SEL1L3: variants seen among roughly 807,000 people sequenced by gnomAD.
SEL1L3 encodes protein sel-1 homolog 3.
In SEL1L3, 76 loss-of-function variants were observed where a neutral mutation model predicts 142.8. The observed-to-expected ratio is 0.53, with a 90% CI of 0.44 to 0.64. SEL1L3 has a LOEUF of 0.64. Ranked by LOEUF, SEL1L3 falls within the 30% of genes least tolerant of loss-of-function variation. SEL1L3 has a pLI of 0.00. For missense variants in SEL1L3, 1,262 were observed against 1,381.7 expected, an observed-to-expected ratio of 0.91 and a Z score of 1.37; for synonymous variants, 504 against 519.6, an observed-to-expected ratio of 0.97 and a Z score of 0.41.
intron 23 of SEL1L3, among the ~76,000 whole-genome samples, chr4:25,750,711 T>A (rs1717540002): frequency 6.6e-6 from 1 of 152,214 alleles, no homozygotes. Context: ...GCTTTCTTCA[T>A]AAGCACTACT....
At chr4:25,855,124 C>T (rs1717166778) in intron 1 of SEL1L3, among the ~76,000 whole-genome samples, 1 of 152,224 alleles carries the variant, frequency 6.6e-6, no homozygotes, top group Non-Finnish European at 1.5e-5. Context: ...GCTACCTTTC[C>T]TATGCACAAA....
At chr4:25,809,265 C>G (rs1006870857) in intron 9 of SEL1L3, among the ~76,000 whole-genome samples, 1 of 151,138 alleles carries the variant, frequency 6.6e-6, no homozygotes, top group African/African-American at 2.4e-5. Flanking sequence ...TGCCTCAGTT[C>G]CCGAGTAGCT....
chr4:25,746,391 T>C (rs904823756), downstream of SEL1L3, among the ~76,000 whole-genome samples: 6 of 150,876 alleles, frequency 4.0e-5, no homozygotes, highest in Non-Finnish European at 5.9e-5. Flanking sequence ...TGGTGGCACA[T>C]GCTTGTAGTC....
chr4:25,731,610 G>A, the SEL1L3 span, among the ~76,000 whole-genome samples: 1 of 152,180 alleles, frequency 6.6e-6, no homozygotes, highest in Admixed American at 6.5e-5. Context: ...TTCTTGGTCT[G>A]GCTTCTTTCA....
At chr4:25,846,870 G>A (rs189858172) in intron 2 of SEL1L3, among the ~76,000 whole-genome samples, 4 of 121,906 alleles carry the variant, frequency 3.3e-5, no homozygotes, top group East Asian at 5.1e-4. Flanking sequence ...GTGAGATCTC[G>A]CCACTGCACT....
intron 9 of SEL1L3, among the ~76,000 whole-genome samples, chr4:25,816,395 G>C (rs1288205864): frequency 6.6e-6 from 1 of 151,980 alleles, no homozygotes; most frequent in African/African-American, 2.4e-5. Context: ...CAGAGGCTAC[G>C]CCACTCATTA....
chr4:25,735,616 T>A, the SEL1L3 span, among the ~76,000 whole-genome samples: 1 of 151,910 alleles, frequency 6.6e-6, no homozygotes, highest in African/African-American at 2.4e-5. Flanking sequence ...GTATCATTGA[T>A]TTGAGATATA....
chr4:25,732,604 ACTT>A, the SEL1L3 span, among the ~76,000 whole-genome samples: 13 of 152,216 alleles, frequency 8.5e-5, no homozygotes, highest in African/African-American at 2.4e-4. Flanking sequence ...CTTTCAATGT[ACTT>A]TTTTGCCATC....
At chr4:25,821,142 AT>A (rs1168680962) in intron 7 of SEL1L3, among the ~76,000 whole-genome samples, 1 of 152,226 alleles carries the variant, frequency 6.6e-6, no homozygotes, top group Non-Finnish European at 1.5e-5. Flanking sequence ...CTCAATAAGC[AT>A]TTGTTGCACA....
intron 1 of SEL1L3, chr4:25,860,600 C>T (rs1717634857): frequency 6.6e-6 from 1 of 152,084 alleles, no homozygotes; most frequent in Non-Finnish European, 1.5e-5. Flanking sequence ...GTGGAGACTA[C>T]CTTTTAAGTC....
At chr4:25,739,881 T>C in the SEL1L3 span, among the ~76,000 whole-genome samples, 4 of 152,116 alleles carry the variant, frequency 2.6e-5, no homozygotes, top group South Asian at 8.3e-4. Context: ...TTTTAACTTA[T>C]ACAACTAGTA....
chr4:25,835,016 C>T (rs1715705600), intron 3 of SEL1L3, among the ~76,000 whole-genome samples, 181 bp downstream of exon 3: 1 of 152,084 alleles, frequency 6.6e-6, no homozygotes, highest in African/African-American at 2.4e-5. Flanking sequence ...AAGAATAATT[C>T]AAGACTCATT....
At chr4:25,740,807 TAA>T in the SEL1L3 span, among the ~76,000 whole-genome samples, 2 of 152,280 alleles carry the variant, frequency 1.3e-5, no homozygotes, top group South Asian at 4.2e-4. Flanking sequence ...TTTCCTGAGA[TAA>T]GAGTCTTGCT....
rs1718854308 is a variant in SEL1L3 at position 25,767,746 on chromosome 4, C to G, written c.2754G>C (p.Glu918Asp). Reference protein sequence around the residue: ...SQTNLAHICEERPDLARRYLG... With the variant: ...SQTNLAHICEDRPDLARRYLG... ...GAAGAATACATTTACTTACTGGCCT[C>G]TCCTCACAGATGTGTGCTAAATTTG... The change falls in exon 18 of 24, where the codon GAG (glutamate) becomes GAC (aspartate). Residue 918 changes from glutamate (E) to aspartate (D), a missense_variant. By Grantham distance (45) the Glu-to-Asp change is conservative. Coordinates refer to ENST00000399878, the MANE Select transcript of SEL1L3 (RefSeq NM_015187.5). 6.4e-7 allele frequency: 1 copy of G among 1,571,630 alleles called. No individual in the cohort carries two copies. The highest frequency in any genetic ancestry group is 8.7e-7 in the Non-Finnish European group (1 of 1,153,694).
intron 11 of SEL1L3, among the ~76,000 whole-genome samples, chr4:25,800,125 G>A (rs16877555): frequency 0.049 from 7,400 of 152,282 alleles, 614 homozygotes; most frequent in African/African-American, 0.17. Flanking sequence ...CACGAGTTAC[G>A]CAAAAGAGAG....
intron 1 of SEL1L3, among the ~76,000 whole-genome samples, chr4:25,858,309 G>A (rs1351924768): frequency 6.6e-6 from 1 of 152,206 alleles, no homozygotes; most frequent in African/African-American, 2.4e-5. Context: ...GAGGTTTGGG[G>A]ATGATCTCTA....
rs766907661 is a variant in SEL1L3, at chr4:25,757,590, G to C, written c.3203C>G (p.Thr1068Ser). Residue 1068 changes from threonine (T) to serine (S), a missense_variant, in exon 23 of 24, where the codon ACC becomes AGC. Thr to Ser is a moderately conservative substitution (Grantham distance 58). Around this residue, in one of 3 missense-constraint regions of SEL1L3, gnomAD observed 138 missense variants for 129.7 expected, o/e 1.06. Transcript: ENST00000399878. ...GGCGATCAATATGGATAGCAGAAAG[G>C]TTCCCAGAAAGTAGATCTGCAAACA... ...LHSALIYFLG[T>S]FLLSILIAWT... 1 of 1,552,366 alleles carries C rather than the reference G, an allele frequency of 6.4e-7. No homozygotes were observed. Among genetic ancestry groups the C allele is most frequent in the Admixed American group, 2.0e-5 (1 of 51,000 alleles).
In SEL1L3 at chr4:25,766,632, G is replaced by T. The variant is rs372424352; in HGVS notation, c.2845+893C>A. Among the ~76,000 whole-genome samples the T allele has an allele frequency of 3.3e-5, 5 of 152,080 alleles. No individual in the cohort carries two copies. In the East Asian group the frequency reaches 9.7e-4, roughly 29 times the overall value. ...GTGAGAAGGCTACTATCATCCCCAGGACTTGGGGACCAGAGGGTGCCTGTG... is the reference window on the plus strand; with the variant it reads ...GTGAGAAGGCTACTATCATCCCCAGTACTTGGGGACCAGAGGGTGCCTGTG... On this transcript the variant is annotated intron_variant, in intron 19 of 23. Coordinates refer to ENST00000399878, the MANE Select transcript of SEL1L3 (RefSeq NM_015187.5).
Position 25,788,129 on chromosome 4 carries a change from G to T in SEL1L3, c.2217+95C>A. The T allele has an allele frequency of 8.0e-7, 1 of 1,247,892 alleles. No individual in the cohort carries two copies. 77.3% of individuals were successfully genotyped at this position (1,247,892 alleles called of 1,614,324 possible). On this transcript the variant is annotated intron_variant, in intron 13 of 23. Transcript: ENST00000399878. The surrounding 1 kb of genome is among the most constrained non-coding windows in gnomAD (Gnocchi z 5.3). ...CAGAAGCATATACTAAATTTCTTCAGTTATCGACTCCCTGTTTGCCAGCCC... is the reference window on the plus strand; with the variant it reads ...CAGAAGCATATACTAAATTTCTTCATTTATCGACTCCCTGTTTGCCAGCCC...
Sources: allele counts gnomAD v4.1 joint callset (sites outside exome capture counted in the v4.1 genomes callset), GRCh38; gene constraint gnomAD v4.1.1; regional missense constraint gnomAD v4.1.1; non-coding constraint Gnocchi (gnomAD v3.1); transcripts MANE v1.5; gene names NCBI Gene and HGNC (gene_info 2026-07-23, HGNC 2026-07-21).